LILRA1: variants seen among roughly 807,000 people sequenced by gnomAD.
LILRA1 encodes leukocyte immunoglobulin like receptor A1, also known as leukocyte immunoglobulin-like receptor subfamily A member 1.
LILRA1 carries 51 observed loss-of-function variants against 51.6 expected under a neutral mutation model. That is an observed-to-expected ratio of 0.99 (90% CI 0.79 to 1.25). LILRA1 has a LOEUF of 1.25. Ranked by LOEUF, LILRA1 falls within the 50% of genes most tolerant of loss-of-function variation. The pLI is 0.00. For synonymous variants in LILRA1, 305 were observed against 248.4 expected (o/e 1.23, Z -2.14); for missense variants, 660 against 611.7 (o/e 1.08, Z -0.83).
At position 54,595,640 on chromosome 19, in the gene LILRA1, T is replaced by G; in HGVS notation, c.663T>G (p.Gly221=). 1 of 1,604,360 alleles carries G rather than the reference T, an allele frequency of 6.2e-7. No homozygotes were observed. Among genetic ancestry groups the G allele is most frequent in the Non-Finnish European group, 8.5e-7 (1 of 1,173,440 alleles). ...GAAACCATGAGCACCTTTTCCCAGG[T>G]GTTTCTAAGAAGCCATCACTCTCAG... is the stretch of plus-strand genomic sequence containing the variant. ...PSDLLELLVL[G]VSKKPSLSVQ... The change falls in exon 6 of 10, where the codon GGT becomes GGG. Residue 221 remains glycine (G), a splice_region_variant and synonymous_variant. Transcript: ENST00000251372.
At chr19:54,593,893 A>C in intron 1 of LILRA1, 112 bp downstream of exon 1, 1 of 614,004 alleles carries the variant, frequency 1.6e-6, no homozygotes, top group East Asian at 3.8e-5. Flanking sequence ...GGAAGGGCAG[A>C]CGCAGAAAGC....
chr19:54,599,410 C>T, intron 8 of LILRA1, 124 bp downstream of exon 8: 2 of 1,373,954 alleles, frequency 1.5e-6, no homozygotes, highest in Non-Finnish European at 1.9e-6. Context: ...AAGAATTCTT[C>T]AACACCTTTA....
In LILRA1 at chr19:54,594,648, C is replaced by T; in HGVS notation, c.71-17C>T. The T allele has an allele frequency of 3.1e-6, 5 of 1,611,428 alleles. No individual in the cohort carries two copies. Among genetic ancestry groups the T allele is most frequent in the Non-Finnish European group, 4.2e-6 (5 of 1,178,786 alleles). On this transcript the variant is annotated splice_polypyrimidine_tract_variant and intron_variant, in intron 3 of 9. Coordinates refer to ENST00000251372, the MANE Select transcript of LILRA1 (RefSeq NM_006863.4). Reference sequence around the variant, plus strand: ...GGTGGGAAATGACTTAGAATCTGAACTCTGATTTCCTTCCAGGGACCCTCC... The same window carrying T: ...GGTGGGAAATGACTTAGAATCTGAATTCTGATTTCCTTCCAGGGACCCTCC...
In LILRA1 at chr19:54,594,467, G is replaced by A. The variant is rs1168218345; in HGVS notation, c.61G>A (p.Val21Met). ...GCTGAGTCTGGGCCCCCGGACCCAC[G>A]TGCAGGCAGGTGAGTCTGTCCCCAG... ...LRLSLGPRTH[V>M]QAGTLPKPTL... is the part of the protein sequence containing the mutation. The change falls in exon 3 of 10, where the codon GTG (valine) becomes ATG (methionine). Residue 21 changes from valine to methionine, a missense_variant. Coordinates refer to ENST00000251372, the MANE Select transcript of LILRA1 (RefSeq NM_006863.4). 6.2e-6 allele frequency: 10 copies of A among 1,614,010 alleles called. No homozygotes were observed. The highest frequency in any genetic ancestry group is 1.7e-4 in the Middle Eastern group (1 of 6,024).
chr19:54,595,963 G>A (rs755271171), intron 6 of LILRA1, 28 bp downstream of exon 6: 10 of 1,610,406 alleles, frequency 6.2e-6, no homozygotes, highest in Non-Finnish European at 8.5e-6. Context: ...TTCAGTCAGG[G>A]ACACAGGCTC....
chr19:54,599,060 C>T lies in LILRA1; in HGVS notation c.1262-176C>T, dbSNP rs563858804. Reference sequence around the variant, plus strand: ...CTGCCCACGTCAGCCTCCCAAAATGCTGGGATTACAGGCATGAGCCACTGT... The same window carrying T: ...CTGCCCACGTCAGCCTCCCAAAATGTTGGGATTACAGGCATGAGCCACTGT... On this transcript the variant is annotated intron_variant, in intron 7 of 9. Transcript: ENST00000251372. 1.8e-3 allele frequency among the ~76,000 whole-genome samples: 274 copies of T among 152,264 alleles called. 1 individual carries two copies. Among genetic ancestry groups the T allele is most frequent in the Admixed American group, 3.1e-3 (48 of 15,302 alleles).
At chr19:54,596,155 G>A in intron 6 of LILRA1, 34 bp from the exon 7 acceptor site, 2 of 1,601,702 alleles carry the variant, frequency 1.2e-6, no homozygotes, top group Non-Finnish European at 8.5e-7. Context: ...AGAACAAGGT[G>A]GGGCAGCCTC....
At position 54,595,893 on chromosome 19, in the gene LILRA1, G is replaced by A. The variant is rs757252403; in HGVS notation, c.916G>A (p.Glu306Lys). ...RCSGAYNLSS[E>K]WSAPSDPLDI... Reference sequence around the variant, plus strand: ...CTCCGGTGCATACAACCTCTCCTCCGAGTGGTCGGCCCCCAGCGACCCCCT... The same window carrying A: ...CTCCGGTGCATACAACCTCTCCTCCAAGTGGTCGGCCCCCAGCGACCCCCT... The change falls in exon 6 of 10, where the codon GAG (glutamate) becomes AAG (lysine). Residue 306 changes from glutamate (E) to lysine (K), a missense_variant. By Grantham distance (56) the Glu-to-Lys change is moderately conservative. Transcript: ENST00000251372. 4.0e-5 allele frequency: 65 copies of A among 1,613,614 alleles called. No homozygotes were observed. The highest frequency in any genetic ancestry group is 4.9e-5 in the Non-Finnish European group (58 of 1,179,936).
At chr19:54,597,553 A>G (rs1481057986) in intron 7 of LILRA1, among the ~76,000 whole-genome samples, 1 of 152,020 alleles carries the variant, frequency 6.6e-6, no homozygotes, top group African/African-American at 2.4e-5. Flanking sequence ...TGACGAGTAG[A>G]AGAGGGAGAA....
chr19:54,598,680 C>T (rs1307734168), intron 7 of LILRA1, among the ~76,000 whole-genome samples: 1 of 152,120 alleles, frequency 6.6e-6, no homozygotes, highest in African/African-American at 2.4e-5. Flanking sequence ...ATACCCAAAC[C>T]AGTGGCTTTC....
Position 54,595,692 on chromosome 19 carries a change from G to A in LILRA1, c.715G>A (p.Gly239Arg), listed in dbSNP as rs973716889. The change falls in exon 6 of 10, where the codon GGG (glycine) becomes AGG (arginine). Residue 239 changes from glycine to arginine, a missense_variant. Transcript: ENST00000251372. ...GCAGCCAGGTCCTATAGTGGCCCCT[G>A]GGGAGAGCCTGACCCTCCAGTGTGT... Reference protein sequence around the residue: ...SVQPGPIVAPGESLTLQCVSD... With the variant: ...SVQPGPIVAPRESLTLQCVSD... 1 of 1,614,008 alleles carries A rather than the reference G, an allele frequency of 6.2e-7. No individual in the cohort carries two copies. Among genetic ancestry groups the A allele is most frequent in the Non-Finnish European group, 8.5e-7 (1 of 1,179,942 alleles).
In LILRA1 at chr19:54,601,781, A is replaced by C. The variant is rs1267677568; in HGVS notation, c.*964A>C. 1 of 152,246 alleles carries C rather than the reference A, an allele frequency of 6.6e-6. No individual in the cohort carries two copies. 9.4% of individuals were successfully genotyped at this position (152,246 alleles called of 1,614,324 possible). ...TTCTACTCACCTAGGACAGTCAGGC[A>C]GAAGTATGCAAAATGACTGGGGCTG... is the stretch of plus-strand genomic sequence containing the variant. On this transcript the variant is annotated 3_prime_UTR_variant, in exon 10 of 10. Transcript: ENST00000251372.
At position 54,594,858 on chromosome 19, in the gene LILRA1, C is replaced by T. The variant is rs141422955; in HGVS notation, c.264C>T (p.Ile88=). 5.0e-6 allele frequency: 8 copies of T among 1,614,038 alleles called. No individual in the cohort carries two copies. In the African/African-American group the frequency reaches 1.1e-4, roughly 22 times the overall value. The change falls in exon 4 of 10, where the codon ATC becomes ATT. Residue 88 remains isoleucine, a synonymous_variant. Transcript: ENST00000251372. ...VKKGQFPIPS[I]TWEHTGRYRC... is the part of the protein sequence containing the mutation. ...AGGGCCAGTTCCCCATCCCATCCAT[C>T]ACCTGGGAACACACAGGGCGGTATC... is the stretch of plus-strand genomic sequence containing the variant.
chr19:54,600,717 A>G lies in LILRA1; in HGVS notation c.1370A>G (p.Tyr457Cys). Reference protein sequence around the residue: ...QNKTASHPQDYTVENLIRMGI... With the variant: ...QNKTASHPQDCTVENLIRMGI... ...TCCCCAGCCTCACACCCCCAGGATT[A>G]CACAGTGGAGAATCTCATCCGCATG... The change falls in exon 10 of 10, where the codon TAC (tyrosine) becomes TGC (cysteine). Residue 457 changes from tyrosine (Y) to cysteine (C), a missense_variant. By Grantham distance (194) the Tyr-to-Cys change is radical. Transcript: ENST00000251372. 2 of 1,614,070 alleles carry G rather than the reference A, an allele frequency of 1.2e-6. No individual in the cohort carries two copies. The highest frequency in any genetic ancestry group is 1.7e-6 in the Non-Finnish European group (2 of 1,180,014).
In LILRA1 at chr19:54,594,431, T is replaced by G; in HGVS notation, c.35-10T>G. 6.2e-7 allele frequency: 1 copy of G among 1,614,168 alleles called. No individual in the cohort carries two copies. The highest frequency in any genetic ancestry group is 8.5e-7 in the Non-Finnish European group (1 of 1,180,018). On this transcript the variant is annotated splice_polypyrimidine_tract_variant and intron_variant, in intron 2 of 9. Coordinates refer to ENST00000251372, the MANE Select transcript of LILRA1 (RefSeq NM_006863.4). Reference sequence around the variant, plus strand: ...CAGGGGCAAATTCCTCACAGGGAACTCTCTTCCAGGGCTGAGTCTGGGCCC... The same window carrying G: ...CAGGGGCAAATTCCTCACAGGGAACGCTCTTCCAGGGCTGAGTCTGGGCCC...
In LILRA1 at chr19:54,594,222, G is replaced by T. The variant is rs749935185; in HGVS notation, c.-23G>T. 1.2e-6 allele frequency: 2 copies of T among 1,613,004 alleles called. No individual in the cohort carries two copies. Among genetic ancestry groups the T allele is most frequent in the East Asian group, 2.2e-5 (1 of 44,862 alleles). ...CACCGAGGGCTCATCCATCCGCAGAGCAGGGCAGTGGGAGGAGACGCTATG... is the reference window on the plus strand; with the variant it reads ...CACCGAGGGCTCATCCATCCGCAGATCAGGGCAGTGGGAGGAGACGCTATG... On this transcript the variant is annotated 5_prime_UTR_variant, in exon 2 of 10. Coordinates refer to ENST00000251372, the MANE Select transcript of LILRA1 (RefSeq NM_006863.4).
Position 54,600,722 on chromosome 19 carries a change from G to C in LILRA1, c.1375G>C (p.Val459Leu). 1 of 1,614,078 alleles carries C rather than the reference G, an allele frequency of 6.2e-7. No homozygotes were observed. The highest frequency in any genetic ancestry group is 1.1e-5 in the South Asian group (1 of 91,076). Residue 459 changes from valine (V) to leucine (L), a missense_variant, in exon 10 of 10, where the codon GTG becomes CTG. Val to Leu is a conservative substitution (Grantham distance 32). Coordinates refer to ENST00000251372, the MANE Select transcript of LILRA1 (RefSeq NM_006863.4). ...KTASHPQDYT[V>L]ENLIRMGIAG... ...AGCCTCACACCCCCAGGATTACACA[G>C]TGGAGAATCTCATCCGCATGGGCAT...
chr19:54,599,590 T>C, intron 8 of LILRA1: 2 of 1,112,914 alleles, frequency 1.8e-6, no homozygotes, highest in Non-Finnish European at 2.2e-6. Context: ...ACTAATACAA[T>C]TTGTATAAAC....
intron 9 of LILRA1, 58 bp downstream of exon 9, chr19:54,600,608 G>C (rs2063146265): frequency 1.2e-6 from 2 of 1,612,268 alleles, no homozygotes; most frequent in African/African-American, 2.7e-5. Context: ...GTCCTGTCAA[G>C]GGTAAGGAGG....
Sources: allele counts gnomAD v4.1 joint callset (sites outside exome capture counted in the v4.1 genomes callset), GRCh38; gene constraint gnomAD v4.1.1; transcripts MANE v1.5; gene names NCBI Gene and HGNC (gene_info 2026-07-23, HGNC 2026-07-21).